The following RASAL2 variants were observed in gnomAD, a reference collection of about 807,000 sequenced individuals.
RASAL2 encodes RAS protein activator like 2.
A neutral mutation model predicts 128.9 loss-of-function variants in RASAL2; 58 were observed. The ratio of observed to expected loss-of-function variants is 0.45; its 90% confidence interval spans 0.36 to 0.56. The LOEUF is 0.56. Ranked by LOEUF, RASAL2 falls within the 20% of genes least tolerant of loss-of-function variation. The pLI is 0.00. For synonymous variants in RASAL2, 561 were observed against 580.8 expected, an observed-to-expected ratio of 0.97 and a Z score of 0.49; for missense variants, 1,360 against 1,601.6, an observed-to-expected ratio of 0.85 and a Z score of 2.57.
intron 1 of RASAL2, among the ~76,000 whole-genome samples, chr1:178,262,680 C>T (rs1665753780): frequency 6.6e-6 from 1 of 152,058 alleles, no homozygotes; most frequent in Non-Finnish European, 1.5e-5. Flanking sequence ...GTTTAGCCAT[C>T]AACTGTGAGT....
intron 1 of RASAL2, among the ~76,000 whole-genome samples, chr1:178,234,482 A>T (rs1664143721): frequency 6.6e-6 from 1 of 152,220 alleles, no homozygotes; most frequent in African/African-American, 2.4e-5. Flanking sequence ...AAGACAATAG[A>T]ATTGTCAAAT....
At chr1:178,177,349 A>T (rs530343285) in intron 1 of RASAL2, among the ~76,000 whole-genome samples, 21 of 152,298 alleles carry the variant, frequency 1.4e-4, no homozygotes, top group Admixed American at 7.9e-4. Context: ...TAATCTATGT[A>T]TATAATTCAT....
At chr1:178,386,988 A>G (rs1672612903) in intron 3 of RASAL2, among the ~76,000 whole-genome samples, 1 of 152,188 alleles carries the variant, frequency 6.6e-6, no homozygotes, top group East Asian at 1.9e-4. Context: ...TCTGTGACTA[A>G]TCCAGCAGGT....
intron 3 of RASAL2, among the ~76,000 whole-genome samples, chr1:178,327,508 G>T (rs944620418): frequency 3.3e-5 from 5 of 151,704 alleles, no homozygotes; most frequent in African/African-American, 1.2e-4. Context: ...ATCACACCTA[G>T]CTAATAATTT....
At chr1:178,380,447 T>C (rs1466422626) in intron 3 of RASAL2, among the ~76,000 whole-genome samples, 1 of 152,170 alleles carries the variant, frequency 6.6e-6, no homozygotes, top group Admixed American at 6.5e-5. Flanking sequence ...AGAAAATTTA[T>C]TAATTTATTT....
chr1:178,279,550 C>G (rs1374226818), intron 1 of RASAL2, among the ~76,000 whole-genome samples: 1 of 152,048 alleles, frequency 6.6e-6, no homozygotes, highest in Non-Finnish European at 1.5e-5. Context: ...GTTTTCTAAG[C>G]AGTGGTTTTT....
intron 1 of RASAL2, among the ~76,000 whole-genome samples, chr1:178,221,078 A>G (rs1195732295): frequency 1.3e-5 from 2 of 152,212 alleles, no homozygotes; most frequent in Non-Finnish European, 2.9e-5. Flanking sequence ...CACCCTTGCC[A>G]GCATTTGGTG....
At chr1:178,466,789 A>G (rs911823361) in intron 16 of RASAL2, among the ~76,000 whole-genome samples, 13 of 152,314 alleles carry the variant, frequency 8.5e-5, no homozygotes, top group Middle Eastern at 3.4e-3. Flanking sequence ...GTAAAATGCT[A>G]TGGACAGGTC....
intron 1 of RASAL2, among the ~76,000 whole-genome samples, chr1:178,187,684 G>A (rs1335689773): frequency 6.6e-6 from 1 of 152,106 alleles, no homozygotes; most frequent in Non-Finnish European, 1.5e-5. Flanking sequence ...AATTATGACT[G>A]GGTTTAAACT....
At chr1:178,342,457 C>T (rs879939512) in intron 3 of RASAL2, among the ~76,000 whole-genome samples, 3 of 152,138 alleles carry the variant, frequency 2.0e-5, no homozygotes, top group Non-Finnish European at 4.4e-5. Flanking sequence ...CCAAGTACAT[C>T]ATAAACCTAG....
chr1:178,455,611 C>T (rs1340336993), intron 12 of RASAL2, among the ~76,000 whole-genome samples: 4 of 152,228 alleles, frequency 2.6e-5, no homozygotes, highest in African/African-American at 7.2e-5. Flanking sequence ...ACCTTTTCTT[C>T]ACTTTTAGAA....
At chr1:178,231,343 G>A (rs1474588130) in intron 1 of RASAL2, among the ~76,000 whole-genome samples, 3 of 152,128 alleles carry the variant, frequency 2.0e-5, no homozygotes, top group African/African-American at 2.4e-5. Context: ...TTTTGTGTGC[G>A]TGAAGAGTTT....
chr1:178,444,823 T>A (rs1676889152), intron 8 of RASAL2, among the ~76,000 whole-genome samples: 1 of 152,162 alleles, frequency 6.6e-6, no homozygotes, highest in African/African-American at 2.4e-5. Context: ...ACCTAATATA[T>A]GCCAGAAACT....
chr1:178,420,522 C>G lies in RASAL2; in HGVS notation c.576C>G (p.Ser192Arg). The G allele has an allele frequency of 6.2e-7, 1 of 1,608,550 alleles. No individual in the cohort carries two copies. Among genetic ancestry groups the G allele is most frequent in the East Asian group, 2.2e-5 (1 of 44,784 alleles). ...TSPFKVPGFFSKRLKGSIKRT... is the reference protein window; with the variant it reads ...TSPFKVPGFFRKRLKGSIKRT... The stretch of plus-strand genomic sequence containing the variant: ...GCCTTTCCTTCTAGGGATTCTTCAG[C>G]AAGCGCCTGAAAGGCTCCATCAAGA... The change falls in exon 5 of 18, where the codon AGC (serine) becomes AGG (arginine). Residue 192 changes from serine to arginine, a missense_variant. Physicochemically the swap from Ser to Arg is moderately radical, Grantham distance 110. This residue lies in a region of RASAL2 where 617 missense variants were observed against 714.2 expected (regional missense o/e 0.86). Coordinates refer to ENST00000367649, the MANE Select transcript of RASAL2 (RefSeq NM_170692.4).
chr1:178,430,463 G>A (rs1172653798), intron 5 of RASAL2, among the ~76,000 whole-genome samples: 1 of 152,052 alleles, frequency 6.6e-6, no homozygotes, highest in Non-Finnish European at 1.5e-5. Flanking sequence ...TTCTTCCAGT[G>A]AAGAGTGTAT....
At chr1:178,201,079 A>G (rs1662850366) in intron 1 of RASAL2, among the ~76,000 whole-genome samples, 1 of 152,136 alleles carries the variant, frequency 6.6e-6, no homozygotes, top group African/African-American at 2.4e-5. Flanking sequence ...GCTACACTCG[A>G]AAAAAACTGC....
intron 1 of RASAL2, among the ~76,000 whole-genome samples, chr1:178,145,568 A>AAAG (rs1660706319): frequency 6.6e-6 from 1 of 151,730 alleles, no homozygotes; most frequent in Non-Finnish European, 1.5e-5. Flanking sequence ...AAAAAAAAAA[A>AAAG]AAGGGGGAGT....
intron 1 of RASAL2, among the ~76,000 whole-genome samples, chr1:178,231,073 C>T (rs768904552): frequency 2.0e-5 from 3 of 152,078 alleles, no homozygotes; most frequent in Non-Finnish European, 2.9e-5. Context: ...GAGATCTTAT[C>T]GGGAAGCTGC....
At chr1:178,116,484 A>AT (rs1204123218) in intron 1 of RASAL2, among the ~76,000 whole-genome samples, 8 of 152,204 alleles carry the variant, frequency 5.3e-5, no homozygotes, top group Non-Finnish European at 1.2e-4. Flanking sequence ...TAGTAGGAAG[A>AT]TTTCTTATGA....
Sources: allele counts gnomAD v4.1 joint callset (sites outside exome capture counted in the v4.1 genomes callset), GRCh38; gene constraint gnomAD v4.1.1; regional missense constraint gnomAD v4.1.1; transcripts MANE v1.5; gene names NCBI Gene and HGNC (gene_info 2026-07-23, HGNC 2026-07-21).